The following IMMP2L variants were observed in gnomAD, a reference collection of about 807,000 sequenced individuals.
IMMP2L encodes the protein inner mitochondrial membrane peptidase subunit 2, also known as mitochondrial inner membrane protease subunit 2.
In IMMP2L, 18 loss-of-function variants were observed where a neutral mutation model predicts 19.3. That is an observed-to-expected ratio of 0.93 (90% CI 0.64 to 1.38). The LOEUF is 1.38. Ranked by LOEUF, IMMP2L falls within the 40% of genes most tolerant of loss-of-function variation. The pLI, the probability that IMMP2L is intolerant of heterozygous loss-of-function variation, is 0.00. For synonymous variants in IMMP2L, 76 were observed against 73.0 expected (o/e 1.04, Z -0.21); for missense variants, 233 against 218.2 (o/e 1.07, Z -0.43).
At chr7:111,316,274 AG>A (rs1227522795) in intron 3 of IMMP2L, among the ~76,000 whole-genome samples, 1 of 152,098 alleles carries the variant, frequency 6.6e-6, no homozygotes, top group Non-Finnish European at 1.5e-5. Flanking sequence ...TAAAGAGTGG[AG>A]GATGTTAGAT....
rs368765958 is a variant in IMMP2L at position 110,762,243 on chromosome 7, CT to C, written c.409-98523del. Among the ~76,000 whole-genome samples the C allele has an allele frequency of 5.9e-3, 874 of 148,898 alleles. 11 individuals are homozygous for C. The highest frequency in any genetic ancestry group is 0.02 in the African/African-American group (803 of 40,664). ...AAAGAGACTTCTGGTAAATGTATCACTTTTTTTTTTTCCCCATCGGCAAGGT... is the reference window on the plus strand; with the variant it reads ...AAAGAGACTTCTGGTAAATGTATCACTTTTTTTTTTCCCCATCGGCAAGGT... On this transcript the variant is annotated intron_variant, in intron 5 of 5. Coordinates refer to ENST00000405709, the MANE Select transcript of IMMP2L (RefSeq NM_032549.4).
rs1015296199 is a variant in IMMP2L, at chr7:111,131,357, G to T, written c.240-167792C>A. ...AGTGCAACGCTTGAGATATTCTGTT[G>T]ACGCATGCATAGAAAATAATAAATA... is the stretch of plus-strand genomic sequence containing the variant. On this transcript the variant is annotated intron_variant, in intron 3 of 5. Coordinates refer to ENST00000405709, the MANE Select transcript of IMMP2L (RefSeq NM_032549.4). Among the ~76,000 whole-genome samples the T allele has an allele frequency of 5.3e-5, 8 of 151,986 alleles. No individual in the cohort carries two copies. In the South Asian group the frequency reaches 6.2e-4, roughly 12 times the overall value.
chr7:110,928,465 G>A (rs1312547392), intron 4 of IMMP2L, among the ~76,000 whole-genome samples: 11 of 129,166 alleles, frequency 8.5e-5, no homozygotes, highest in Non-Finnish European at 1.7e-4. Flanking sequence ...CAGAGGTTAG[G>A]AGAGAAAAAC....
intron 3 of IMMP2L, among the ~76,000 whole-genome samples, chr7:111,445,085 T>C (rs558727768): frequency 6.6e-6 from 1 of 152,154 alleles, no homozygotes; most frequent in South Asian, 2.1e-4. Context: ...TCCATAAAAA[T>C]TTTTCCTAAA....
At chr7:111,302,482 T>C (rs183342996) in intron 3 of IMMP2L, among the ~76,000 whole-genome samples, 1 of 152,274 alleles carries the variant, frequency 6.6e-6, no homozygotes, top group East Asian at 1.9e-4. Context: ...ATAGCACTTG[T>C]CTAAAAGCTC....
chr7:110,807,056 C>G (rs1453622128), intron 5 of IMMP2L, among the ~76,000 whole-genome samples: 7 of 151,944 alleles, frequency 4.6e-5, no homozygotes, highest in Non-Finnish European at 1.0e-4. Context: ...CAGTCCCCAT[C>G]TCTGTATCAA....
intron 3 of IMMP2L, among the ~76,000 whole-genome samples, chr7:111,289,996 T>A (rs1333805059): frequency 6.6e-6 from 1 of 152,100 alleles, no homozygotes; most frequent in East Asian, 1.9e-4. Flanking sequence ...AGCAAAGCCT[T>A]GAATTGAGTC....
chr7:110,667,372 C>A (rs1584444896), intron 5 of IMMP2L, among the ~76,000 whole-genome samples: 2 of 152,040 alleles, frequency 1.3e-5, no homozygotes, highest in East Asian at 3.9e-4. Flanking sequence ...CAGAATGATG[C>A]CGCCCCACCA....
At chr7:110,740,110 C>G (rs1450401399) in intron 5 of IMMP2L, among the ~76,000 whole-genome samples, 4 of 152,084 alleles carry the variant, frequency 2.6e-5, no homozygotes, top group Non-Finnish European at 5.9e-5. Flanking sequence ...ATCAAAAAGT[C>G]TGACAGAGCA....
chr7:111,368,119 G>GA (rs1440007461), intron 3 of IMMP2L, among the ~76,000 whole-genome samples: 2 of 151,426 alleles, frequency 1.3e-5, no homozygotes, highest in African/African-American at 4.9e-5. Context: ...TGCTTATATG[G>GA]AAAATGCTGG....
rs545923868 is a variant in IMMP2L, at chr7:111,343,628, A to G, written c.239+143610T>C. Among the ~76,000 whole-genome samples, 189 of 152,218 alleles carry G rather than the reference A, an allele frequency of 1.2e-3. 1 individual carries two copies. Among genetic ancestry groups the G allele is most frequent in the Middle Eastern group, 0.01 (3 of 294 alleles). On this transcript the variant is annotated intron_variant, in intron 3 of 5. Coordinates refer to ENST00000405709, the MANE Select transcript of IMMP2L (RefSeq NM_032549.4). ...TCTCTGTGTCCCTGCTCTATATACA[A>G]TGGCACTTAGTAAACTCAGTATCTT...
At chr7:111,139,757 T>TA (rs372104539) in intron 3 of IMMP2L, among the ~76,000 whole-genome samples, 150 of 151,946 alleles carry the variant, frequency 9.9e-4, no homozygotes, top group Admixed American at 3.1e-3. Context: ...TTCCTCTAAA[T>TA]AAAAAAAACT....
intron 1 of IMMP2L, among the ~76,000 whole-genome samples, chr7:111,525,505 C>CA (rs1846754237): frequency 6.6e-6 from 1 of 151,908 alleles, no homozygotes; most frequent in Non-Finnish European, 1.5e-5. Flanking sequence ...CTGGATAGGA[C>CA]AAAAATGGAT....
intron 3 of IMMP2L, among the ~76,000 whole-genome samples, chr7:111,025,637 A>T (rs1329532016): frequency 2.0e-5 from 3 of 152,134 alleles, no homozygotes; most frequent in African/African-American, 7.2e-5. Flanking sequence ...TTACACCTCT[A>T]ATTACAAGAC....
chr7:111,052,770 ATATCAATAGTAG>A (rs926162506), intron 3 of IMMP2L, among the ~76,000 whole-genome samples: 4 of 152,284 alleles, frequency 2.6e-5, no homozygotes, highest in Admixed American at 2.6e-4. Flanking sequence ...ATCAATAGTA[ATATCAATAGTAG>A]TATCAATAGC....
chr7:111,484,936 C>T (rs1842501301), intron 3 of IMMP2L, among the ~76,000 whole-genome samples: 1 of 151,984 alleles, frequency 6.6e-6, no homozygotes, highest in South Asian at 2.1e-4. Context: ...TACAGGCACG[C>T]ATCACCAAAC....
intron 3 of IMMP2L, among the ~76,000 whole-genome samples, chr7:111,085,162 T>TGACA: frequency 7.3e-6 from 1 of 137,498 alleles, no homozygotes; most frequent in Admixed American, 6.9e-5. Context: ...CATTGATTCC[T>TGACA]GACATGTCAT....
intron 5 of IMMP2L, among the ~76,000 whole-genome samples, chr7:110,697,459 T>C (rs527612103): frequency 6.6e-6 from 1 of 152,184 alleles, no homozygotes; most frequent in Non-Finnish European, 1.5e-5. Context: ...AATTATTTTG[T>C]TGGTTTACAG....
At chr7:111,548,163 T>C (rs373470677) in intron 1 of IMMP2L, among the ~76,000 whole-genome samples, 5 of 152,086 alleles carry the variant, frequency 3.3e-5, no homozygotes, top group African/African-American at 1.2e-4. Flanking sequence ...GAGAATATTA[T>C]CTATCTTGTC....
Sources: allele counts gnomAD v4.1 joint callset (sites outside exome capture counted in the v4.1 genomes callset), GRCh38; gene constraint gnomAD v4.1.1; transcripts MANE v1.5; gene names NCBI Gene and HGNC (gene_info 2026-07-23, HGNC 2026-07-21).